The following EPS15 variants were observed in gnomAD, a reference collection of about 807,000 sequenced individuals.
EPS15 encodes epidermal growth factor receptor pathway substrate 15, also known as epidermal growth factor receptor substrate 15.
EPS15 carries 72 observed loss-of-function variants against 113.8 expected under a neutral mutation model. That is an observed-to-expected ratio of 0.63 (90% CI 0.52 to 0.77). The LOEUF is 0.77. Among genes scored for constraint, EPS15 ranks in the 30% least tolerant of loss-of-function variants. The pLI, the probability that EPS15 is intolerant of heterozygous loss-of-function variation, is 0.00. For missense variants in EPS15, 1,048 were observed against 1,045.8 expected (o/e 1.00, Z -0.03); for synonymous variants, 344 against 363.4 (o/e 0.95, Z 0.61).
In EPS15 at chr1:51,493,217, C is replaced by T. The variant is rs1644267733; in HGVS notation, c.34-11903G>A. ...TCTACTAAAAATACAAAAAATTAGC[C>T]AGACGTGGTGGTGGGCGCCTGTAGT... On this transcript the variant is annotated intron_variant, in intron 1 of 24. Coordinates refer to ENST00000371733, the MANE Select transcript of EPS15 (RefSeq NM_001981.3). Among the ~76,000 whole-genome samples the T allele has an allele frequency of 2.6e-5, 4 of 152,248 alleles. No individual in the cohort carries two copies. The South Asian group carries it at 8.3e-4, about 32-fold the overall frequency.
chr1:51,360,731 G>C (rs1007341154), intron 24 of EPS15, among the ~76,000 whole-genome samples: 19 of 151,834 alleles, frequency 1.3e-4, no homozygotes, highest in Middle Eastern at 3.2e-3. Flanking sequence ...TTTGCTGACT[G>C]GTCTCCAGAA....
At chr1:51,484,024 T>C (rs1157045917) in intron 1 of EPS15, among the ~76,000 whole-genome samples, 1 of 150,548 alleles carries the variant, frequency 6.6e-6, no homozygotes, top group Non-Finnish European at 1.5e-5. Flanking sequence ...GGCAGGAGGA[T>C]TGGTTGAGCC....
At chr1:51,432,326 G>GTATA (rs1651800683) in intron 12 of EPS15, among the ~76,000 whole-genome samples, 1 of 151,640 alleles carries the variant, frequency 6.6e-6, no homozygotes, top group Non-Finnish European at 1.5e-5. Context: ...ATGTATGTAT[G>GTATA]TATGTATGTA....
At chr1:51,439,144 GGAAATGGAAACAA>G (rs1189188345) in intron 12 of EPS15, among the ~76,000 whole-genome samples, 1 of 152,004 alleles carries the variant, frequency 6.6e-6, no homozygotes, top group Non-Finnish European at 1.5e-5. Flanking sequence ...TCAACCCAGT[GGAAATGGAAACAA>G]GAAATGGAGA....
At chr1:51,454,565 G>A (rs1188213712) in intron 8 of EPS15, among the ~76,000 whole-genome samples, 2 of 152,152 alleles carry the variant, frequency 1.3e-5, no homozygotes, top group Non-Finnish European at 2.9e-5. Context: ...GTCTAGTCAC[G>A]AGAATAGCAT....
At chr1:51,372,509 T>A (rs554762018) in intron 21 of EPS15, 31 of 532,232 alleles carry the variant, frequency 5.8e-5, no homozygotes, top group Admixed American at 4.6e-4. Context: ...ATGGAATGTT[T>A]AAGAAAATTA....
chr1:51,484,398 T>C (rs115359476), intron 1 of EPS15, among the ~76,000 whole-genome samples: 2,828 of 152,140 alleles, frequency 0.019, 89 homozygotes, highest in African/African-American at 0.066. Flanking sequence ...CTTGTCTCCA[T>C]TTAAAAAAAT....
At chr1:51,496,201 A>G (rs1460684863) in intron 1 of EPS15, among the ~76,000 whole-genome samples, 1 of 152,224 alleles carries the variant, frequency 6.6e-6, no homozygotes, top group African/African-American at 2.4e-5. Flanking sequence ...TTAACTGAGT[A>G]ACTGACTCAA....
chr1:51,487,062 A>C (rs557123717), intron 1 of EPS15, among the ~76,000 whole-genome samples: 23 of 152,356 alleles, frequency 1.5e-4, no homozygotes, highest in African/African-American at 5.3e-4. Flanking sequence ...GCACATATAA[A>C]GTATGTTAGC....
chr1:51,398,992 T>G (rs770097010), intron 20 of EPS15, 40 bp downstream of exon 20: 1 of 1,577,656 alleles, frequency 6.3e-7, no homozygotes, highest in South Asian at 1.1e-5. Flanking sequence ...AGGACACTTA[T>G]TATCCATTTA....
chr1:51,426,216 C>T (rs973874309), intron 12 of EPS15, among the ~76,000 whole-genome samples: 3 of 151,498 alleles, frequency 2.0e-5, no homozygotes, highest in South Asian at 2.1e-4. Context: ...CTTCTCTTTC[C>T]GCCTCTTCTA....
At chr1:51,421,413 TTGA>T (rs3991374) in intron 13 of EPS15, among the ~76,000 whole-genome samples, 11 of 151,912 alleles carry the variant, frequency 7.2e-5, no homozygotes, top group South Asian at 2.1e-4. Flanking sequence ...ATACTGGTTT[TTGA>T]TGATGATGAT....
intron 1 of EPS15, among the ~76,000 whole-genome samples, chr1:51,516,494 T>C (rs1644718903): frequency 6.6e-6 from 1 of 152,200 alleles, no homozygotes; most frequent in Non-Finnish European, 1.5e-5. Flanking sequence ...ACTAACATTT[T>C]GGTACTCTAG....
At chr1:51,412,474 G>A (rs1649821992) in intron 13 of EPS15, among the ~76,000 whole-genome samples, 1 of 152,066 alleles carries the variant, frequency 6.6e-6, no homozygotes, top group South Asian at 2.1e-4. Flanking sequence ...CTTTAAAAAT[G>A]CCAACACAAT....
At chr1:51,429,171 G>A (rs1310811553) in intron 12 of EPS15, among the ~76,000 whole-genome samples, 1 of 151,994 alleles carries the variant, frequency 6.6e-6, no homozygotes, top group Non-Finnish European at 1.5e-5. Flanking sequence ...CGCCTGGCCA[G>A]GAGCACAGTT....
At chr1:51,467,105 A>T (rs1183242765) in intron 5 of EPS15, among the ~76,000 whole-genome samples, 1 of 152,228 alleles carries the variant, frequency 6.6e-6, no homozygotes, top group Non-Finnish European at 1.5e-5. Flanking sequence ...TCACTCCATA[A>T]AACCAAAAGG....
At chr1:51,491,490 T>C (rs927335075) in intron 1 of EPS15, among the ~76,000 whole-genome samples, 1 of 152,130 alleles carries the variant, frequency 6.6e-6, no homozygotes, top group African/African-American at 2.4e-5. Flanking sequence ...GCTATCCATA[T>C]CTAGAAAAGG....
At chr1:51,357,422 A>ATTT (rs1364504605) in intron 24 of EPS15, among the ~76,000 whole-genome samples, 5 of 71,060 alleles carry the variant, frequency 7.0e-5, no homozygotes, top group African/African-American at 1.5e-4. Context: ...ATATATATAT[A>ATTT]TATATTTTTT....
At chr1:51,470,633 C>T (rs996806720) in intron 4 of EPS15, among the ~76,000 whole-genome samples, 2 of 115,200 alleles carry the variant, frequency 1.7e-5, no homozygotes, top group Non-Finnish European at 3.4e-5. Flanking sequence ...GGTAACAGAT[C>T]AGGGCTCTGT....
Sources: allele counts gnomAD v4.1 joint callset (sites outside exome capture counted in the v4.1 genomes callset), GRCh38; gene constraint gnomAD v4.1.1; transcripts MANE v1.5; gene names NCBI Gene and HGNC (gene_info 2026-07-23, HGNC 2026-07-21).